The following ARHGAP32 variants were observed in gnomAD, a reference collection of about 807,000 sequenced individuals.
ARHGAP32 encodes the protein Rho GTPase activating protein 32, also known as rho GTPase-activating protein 32.
A neutral mutation model predicts 186.5 loss-of-function variants in ARHGAP32; 51 were observed. The ratio of observed to expected loss-of-function variants is 0.27; its 90% CI spans 0.22 to 0.35. The LOEUF (loss-of-function observed/expected upper bound fraction) is 0.35. Ranked by LOEUF, ARHGAP32 falls within the 10% of genes least tolerant of loss-of-function variation. The pLI is 1.00. For synonymous variants in ARHGAP32, 950 were observed against 964.3 expected (o/e 0.99, Z 0.27); for missense variants, 2,186 against 2,623.5 (o/e 0.83, Z 3.64).
At chr11:129,258,316 G>A (rs1311512994) in intron 1 of ARHGAP32, among the ~76,000 whole-genome samples, 7 of 152,252 alleles carry the variant, frequency 4.6e-5, no homozygotes, top group African/African-American at 9.6e-5. Flanking sequence ...TTAACTTTCT[G>A]AATCTGTGAG....
At chr11:129,235,692 A>C (rs7122135) in intron 1 of ARHGAP32, among the ~76,000 whole-genome samples, 43,818 of 151,714 alleles carry the variant, frequency 0.29, 6,660 homozygotes, top group Middle Eastern at 0.4. Context: ...GTAGACTTTT[A>C]TCTCTCCCCC....
chr11:128,982,332 T>C (rs1205350104), intron 15 of ARHGAP32, among the ~76,000 whole-genome samples: 1 of 152,188 alleles, frequency 6.6e-6, no homozygotes, highest in Admixed American at 6.5e-5. Context: ...CTAATTCAAA[T>C]CCTCATATTC....
upstream of ARHGAP32, among the ~76,000 whole-genome samples, chr11:129,279,563 G>A (rs1945585717): frequency 6.9e-6 from 1 of 145,700 alleles, no homozygotes; most frequent in African/African-American, 2.5e-5. Context: ...GGAGCCCGCC[G>A]CCCGCCCAGC....
intron 2 of ARHGAP32, among the ~76,000 whole-genome samples, chr11:129,142,696 C>T (rs1285593909): frequency 2.0e-5 from 3 of 147,790 alleles, no homozygotes; most frequent in Non-Finnish European, 3.0e-5. Context: ...TCAAAGTGGA[C>T]CAGGATTGCT....
intron 1 of ARHGAP32, among the ~76,000 whole-genome samples, chr11:129,216,187 T>C (rs1459812938): frequency 6.6e-6 from 1 of 152,136 alleles, no homozygotes; most frequent in Non-Finnish European, 1.5e-5. Flanking sequence ...TGGTAATTTG[T>C]TGCAGCAGCA....
In ARHGAP32 at chr11:128,965,374, A is replaced by G. The variant is rs1945199297; in HGVS notation, c.*3533T>C. On this transcript the variant is annotated 3_prime_UTR_variant, in exon 23 of 23. Transcript: ENST00000682385. ...AGTTCACAAAAATATTAAGACATAA[A>G]AAAACACTATATAAATTAAAATTAA... is the stretch of plus-strand genomic sequence containing the variant. 1 of 152,154 alleles carries G rather than the reference A, an allele frequency of 6.6e-6. No individual in the cohort carries two copies. Among genetic ancestry groups the G allele is most frequent in the Non-Finnish European group, 1.5e-5 (1 of 68,048 alleles). The allele number at this position is 152,154 out of a possible 1,614,324, so 9.4% of individuals were successfully genotyped here.
chr11:129,139,705 T>C (rs1172511681), intron 2 of ARHGAP32, among the ~76,000 whole-genome samples: 1 of 152,208 alleles, frequency 6.6e-6, no homozygotes, highest in Non-Finnish European at 1.5e-5. Context: ...CATGACTTGC[T>C]CCTCCTTGCC....
At chr11:129,248,600 A>G (rs1945135868) in intron 1 of ARHGAP32, among the ~76,000 whole-genome samples, 2 of 152,162 alleles carry the variant, frequency 1.3e-5, no homozygotes, top group African/African-American at 2.4e-5. Context: ...TTGTTGTGGT[A>G]TTGTTTTCTG....
At chr11:129,250,379 T>C (rs563049290) in intron 1 of ARHGAP32, among the ~76,000 whole-genome samples, 144 of 152,378 alleles carry the variant, frequency 9.5e-4, no homozygotes, top group African/African-American at 3.3e-3. Context: ...ACCTGTGAAA[T>C]GATAACTCAT....
At chr11:129,064,060 C>A in intron 8 of ARHGAP32, 36 bp from the exon 9 acceptor site, 1 of 1,549,838 alleles carries the variant, frequency 6.5e-7, no homozygotes, top group African/African-American at 1.4e-5. Flanking sequence ...GATAAAGACA[C>A]TGGACTTGCA....
chr11:129,028,057 T>C (rs1267030415), intron 11 of ARHGAP32, among the ~76,000 whole-genome samples: 1 of 152,242 alleles, frequency 6.6e-6, no homozygotes, highest in Non-Finnish European at 1.5e-5. Flanking sequence ...TTGGTAACTA[T>C]AATGAAAACT....
intron 15 of ARHGAP32, among the ~76,000 whole-genome samples, chr11:128,982,678 A>G (rs1945742188): frequency 6.6e-6 from 1 of 151,818 alleles, no homozygotes; most frequent in Non-Finnish European, 1.5e-5. Context: ...CTTGAACTCG[A>G]GAGTTCAAGA....
chr11:129,239,042 G>A (rs759777607), intron 1 of ARHGAP32, among the ~76,000 whole-genome samples: 22 of 151,958 alleles, frequency 1.4e-4, no homozygotes, highest in Admixed American at 7.2e-4. Flanking sequence ...TACAGACGAC[G>A]TTTCACTATG....
intron 12 of ARHGAP32, 114 bp downstream of exon 12, chr11:128,998,205 T>C (rs993975584): frequency 3.4e-5 from 30 of 878,692 alleles, no homozygotes; most frequent in Non-Finnish European, 4.7e-5. Flanking sequence ...GTACATGCAT[T>C]GAACTGAAAT....
chr11:129,182,256 T>G (rs909220551), intron 1 of ARHGAP32, among the ~76,000 whole-genome samples: 3 of 152,140 alleles, frequency 2.0e-5, no homozygotes, highest in African/African-American at 7.2e-5. Context: ...TGTCATTCTA[T>G]ATATGTACAA....
At chr11:129,011,854 T>C (rs1329613049) in intron 11 of ARHGAP32, among the ~76,000 whole-genome samples, 1 of 152,050 alleles carries the variant, frequency 6.6e-6, no homozygotes, top group Non-Finnish European at 1.5e-5. Context: ...AACAGCATAT[T>C]TAGCATAAGA....
At chr11:128,973,912 T>A (rs1240967441) in intron 21 of ARHGAP32, 1 of 583,618 alleles carries the variant, frequency 1.7e-6, no homozygotes, top group Non-Finnish European at 2.9e-6. Context: ...GGGACTTTTG[T>A]GAAGATTTGA....
chr11:128,999,946 A>G (rs1946310802), intron 11 of ARHGAP32, among the ~76,000 whole-genome samples: 1 of 152,222 alleles, frequency 6.6e-6, no homozygotes, highest in Admixed American at 6.5e-5. Flanking sequence ...AATGGTGTAA[A>G]AGCGGTTTGC....
intron 11 of ARHGAP32, among the ~76,000 whole-genome samples, chr11:129,013,640 A>G (rs899642729): frequency 2.6e-5 from 4 of 152,220 alleles, no homozygotes; most frequent in African/African-American, 9.6e-5. Flanking sequence ...TTTAAATAAA[A>G]CTATTCAATT....
Sources: allele counts gnomAD v4.1 joint callset (sites outside exome capture counted in the v4.1 genomes callset), GRCh38; gene constraint gnomAD v4.1.1; transcripts MANE v1.5; gene names NCBI Gene and HGNC (gene_info 2026-07-23, HGNC 2026-07-21).